LINGO2: variants seen among roughly 807,000 people sequenced by gnomAD.
The protein encoded by LINGO2 is leucine rich repeat and Ig domain containing 2.
LINGO2 carries 14 observed loss-of-function variants against 30.6 expected under a neutral mutation model. The ratio of observed to expected loss-of-function variants is 0.46; its 90% CI spans 0.30 to 0.72. The LOEUF (loss-of-function observed/expected upper bound fraction) is 0.72. Among genes scored for constraint, LINGO2 ranks in the 30% least tolerant of loss-of-function variants. LINGO2 has a pLI of 0.07. For synonymous variants in LINGO2, 317 were observed against 288.5 expected (o/e 1.10, Z -1.00); for missense variants, 729 against 751.7 (o/e 0.97, Z 0.35).
the LINGO2 span, among the ~76,000 whole-genome samples, chr9:28,802,372 A>T: frequency 6.6e-6 from 1 of 152,070 alleles, no homozygotes; most frequent in Non-Finnish European, 1.5e-5. Context: ...TAGAAGAAAA[A>T]TCTTTAATCT....
the LINGO2 span, among the ~76,000 whole-genome samples, chr9:29,007,428 C>A: frequency 0.39 from 58,554 of 151,894 alleles, 11,500 homozygotes; most frequent in East Asian, 0.49. Context: ...AATAGGATAG[C>A]AAATGTATTT....
the LINGO2 span, among the ~76,000 whole-genome samples, chr9:29,007,224 T>C: frequency 6.6e-6 from 1 of 152,078 alleles, no homozygotes; most frequent in Non-Finnish European, 1.5e-5. Context: ...TCTTCCCAGG[T>C]CATGTCATAT....
chr9:28,905,523 G>A, the LINGO2 span, among the ~76,000 whole-genome samples: 1 of 151,808 alleles, frequency 6.6e-6, no homozygotes, highest in Non-Finnish European at 1.5e-5. Context: ...TATAGAAATG[G>A]ACAAATTTTC....
chr9:29,071,507 A>G, the LINGO2 span, among the ~76,000 whole-genome samples: 2 of 112,768 alleles, frequency 1.8e-5, no homozygotes, highest in African/African-American at 3.8e-5. Flanking sequence ...ATATATATAT[A>G]TATATATATA....
At chr9:28,419,342 T>C (rs1564187866) in intron 2 of LINGO2, among the ~76,000 whole-genome samples, 2 of 152,176 alleles carry the variant, frequency 1.3e-5, no homozygotes, top group East Asian at 1.9e-4. Context: ...TGGATATTTA[T>C]TGAGCAGTAG....
At chr9:28,745,108 G>T in the LINGO2 span, among the ~76,000 whole-genome samples, 2 of 151,988 alleles carry the variant, frequency 1.3e-5, no homozygotes, top group Admixed American at 1.3e-4. Flanking sequence ...TAGCTTGTAA[G>T]TTCCTTCTAG....
the LINGO2 span, among the ~76,000 whole-genome samples, chr9:29,062,969 G>C: frequency 6.6e-6 from 1 of 152,002 alleles, no homozygotes; most frequent in Non-Finnish European, 1.5e-5. Context: ...TTCTAGACTT[G>C]GTTGGCTCTC....
At chr9:28,666,338 A>G (rs567275053) in intron 1 of LINGO2, among the ~76,000 whole-genome samples, 5 of 152,298 alleles carry the variant, frequency 3.3e-5, no homozygotes, top group Admixed American at 1.3e-4. Context: ...AAATATATAT[A>G]ACCAATGTCA....
intron 1 of LINGO2, among the ~76,000 whole-genome samples, chr9:28,583,195 TA>T (rs572528210): frequency 1.1e-3 from 173 of 152,082 alleles, no homozygotes; most frequent in African/African-American, 4.0e-3. Flanking sequence ...ACTCAGAAGA[TA>T]AAATAATTAC....
At chr9:28,339,365 T>G (rs1438555897) in intron 3 of LINGO2, among the ~76,000 whole-genome samples, 1 of 152,160 alleles carries the variant, frequency 6.6e-6, no homozygotes, top group Non-Finnish European at 1.5e-5. Context: ...ATTTAGAAAG[T>G]GAAAATTGAA....
the LINGO2 span, among the ~76,000 whole-genome samples, chr9:29,180,734 C>T: frequency 1.3e-5 from 2 of 152,080 alleles, no homozygotes; most frequent in South Asian, 2.1e-4. Flanking sequence ...GAAAACATCT[C>T]GTTCATTTCT....
chr9:28,060,416 T>C (rs528068614), intron 4 of LINGO2, among the ~76,000 whole-genome samples: 5 of 152,324 alleles, frequency 3.3e-5, no homozygotes, highest in African/African-American at 1.2e-4. Flanking sequence ...CCAGTACTTT[T>C]GTAAGTGCCC....
chr9:29,158,782 G>A, the LINGO2 span, among the ~76,000 whole-genome samples: 13 of 152,202 alleles, frequency 8.5e-5, no homozygotes, highest in South Asian at 2.5e-3. Flanking sequence ...ATGAGAGAGA[G>A]AGAGAGAAAG....
intron 4 of LINGO2, among the ~76,000 whole-genome samples, chr9:28,118,275 AATTGAGT>A (rs1378029984): frequency 6.6e-6 from 1 of 152,162 alleles, no homozygotes; most frequent in Non-Finnish European, 1.5e-5. Context: ...GGAGTGTGTG[AATTGAGT>A]ATGGAGAACT....
At chr9:28,911,233 A>C in the LINGO2 span, among the ~76,000 whole-genome samples, 2 of 152,112 alleles carry the variant, frequency 1.3e-5, no homozygotes, top group Non-Finnish European at 2.9e-5. Flanking sequence ...GATCACTTAT[A>C]CAATTTTTTT....
intron 2 of LINGO2, among the ~76,000 whole-genome samples, chr9:28,396,617 T>C (rs1164830728): frequency 7.2e-6 from 1 of 138,832 alleles, no homozygotes; most frequent in African/African-American, 2.7e-5. Context: ...GGCAGGAGAA[T>C]GGCGTGAACC....
the LINGO2 span, among the ~76,000 whole-genome samples, chr9:28,828,833 C>T: frequency 3.4e-4 from 51 of 152,204 alleles, no homozygotes; most frequent in Admixed American, 7.8e-4. Flanking sequence ...AGTTTTACTA[C>T]GAGCCAGGTG....
chr9:29,199,472 C>A, the LINGO2 span, among the ~76,000 whole-genome samples: 1 of 152,078 alleles, frequency 6.6e-6, no homozygotes, highest in Non-Finnish European at 1.5e-5. Context: ...AGTCAAGTCA[C>A]ACTTCACCTT....
At chr9:29,204,267 C>T in the LINGO2 span, among the ~76,000 whole-genome samples, 2 of 152,182 alleles carry the variant, frequency 1.3e-5, no homozygotes, top group African/African-American at 2.4e-5. Flanking sequence ...TCACTAGGAA[C>T]CAGACACCTC....
Sources: allele counts gnomAD v4.1 joint callset (sites outside exome capture counted in the v4.1 genomes callset), GRCh38; gene constraint gnomAD v4.1.1; transcripts MANE v1.5; gene names NCBI Gene and HGNC (gene_info 2026-07-23, HGNC 2026-07-21).